CHP1: variants seen among roughly 807,000 people sequenced by gnomAD.
CHP1 encodes calcineurin like EF-hand protein 1, also known as calcineurin B homologous protein 1.
Under a neutral mutation model 27.4 loss-of-function variants are expected in CHP1, and 11 were observed. The observed-to-expected ratio is 0.40, with a 90% confidence interval of 0.25 to 0.67. CHP1 has a LOEUF of 0.67. Ranked by LOEUF, CHP1 falls within the 30% of genes least tolerant of loss-of-function variation. CHP1 has a pLI of 0.38. For missense variants in CHP1, 169 were observed against 251.3 expected, an observed-to-expected ratio of 0.67 and a Z score of 2.22; for synonymous variants, 89 against 87.4, an observed-to-expected ratio of 1.02 and a Z score of -0.10.
Position 41,240,274 on chromosome 15 carries a change from G to A in CHP1, c.68-3393G>A, listed in dbSNP as rs913197857. Among the ~76,000 whole-genome samples, 8 of 152,092 alleles carry A rather than the reference G, an allele frequency of 5.3e-5. No homozygotes were observed. The South Asian group carries it at 1.5e-3, about 28-fold the overall frequency. ...CTCTGGAAGTGCTGGGATTATAGGC[G>A]CCAGCCATCATGCCTGGCTCTCATT... On this transcript the variant is annotated intron_variant, in intron 1 of 6. Coordinates refer to ENST00000334660, the MANE Select transcript of CHP1 (RefSeq NM_007236.5).
intron 4 of CHP1, among the ~76,000 whole-genome samples, chr15:41,264,782 A>T (rs1595479996): frequency 6.6e-6 from 1 of 152,076 alleles, no homozygotes; most frequent in South Asian, 2.1e-4. Context: ...TGGCTGTTGG[A>T]TTAACTTTTA....
chr15:41,263,610 C>T (rs1435419896), intron 4 of CHP1, among the ~76,000 whole-genome samples: 2 of 152,218 alleles, frequency 1.3e-5, no homozygotes, highest in African/African-American at 4.8e-5. Flanking sequence ...CGCAGTGGCT[C>T]ATGCCTGTAA....
At chr15:41,274,982 G>T (rs1434243895) in intron 5 of CHP1, among the ~76,000 whole-genome samples, 5 of 151,718 alleles carry the variant, frequency 3.3e-5, no homozygotes, top group African/African-American at 1.2e-4. Flanking sequence ...GTCGAGACGG[G>T]TTTCACCATG....
chr15:41,237,499 G>C (rs140623460), intron 1 of CHP1, among the ~76,000 whole-genome samples: 44 of 152,200 alleles, frequency 2.9e-4, no homozygotes, highest in African/African-American at 9.4e-4. Flanking sequence ...GATAGATTTT[G>C]TTTGTTTTAT....
intron 1 of CHP1, among the ~76,000 whole-genome samples, chr15:41,236,900 G>C (rs1309257408): frequency 6.6e-6 from 1 of 150,482 alleles, no homozygotes; most frequent in East Asian, 1.9e-4. Flanking sequence ...CTCGATCTCA[G>C]CTCACTGCAA....
rs772769656 is a variant in CHP1 at position 41,256,275 on chromosome 15, G to A, written c.141-635G>A. ...TGATGAATGGTAACTGACAATATTC[G>A]CTTTGGTATAACCTCGCCTAAGTCA... On this transcript the variant is annotated intron_variant, in intron 2 of 6. Coordinates refer to ENST00000334660, the MANE Select transcript of CHP1 (RefSeq NM_007236.5). Among the ~76,000 whole-genome samples the A allele has an allele frequency of 4.6e-5, 7 of 152,124 alleles. No homozygotes were observed. In the South Asian group the frequency reaches 6.2e-4, roughly 13 times the overall value.
intron 2 of CHP1, among the ~76,000 whole-genome samples, chr15:41,254,051 C>G (rs947031364): frequency 1.3e-5 from 2 of 152,042 alleles, no homozygotes; most frequent in Non-Finnish European, 2.9e-5. Flanking sequence ...ACCTTGGCCT[C>G]CAAAAGTGCT....
intron 2 of CHP1, among the ~76,000 whole-genome samples, chr15:41,253,546 C>T (rs572119622): frequency 1.3e-5 from 2 of 151,784 alleles, no homozygotes; most frequent in Non-Finnish European, 2.9e-5. Flanking sequence ...CCTCCACCTC[C>T]CAGGTTCATG....
rs1051359247 is a variant in CHP1, at chr15:41,266,957, G to A, written c.350-3600G>A. Among the ~76,000 whole-genome samples, 10 of 151,946 alleles carry A rather than the reference G, an allele frequency of 6.6e-5. No individual in the cohort carries two copies. The South Asian group carries it at 1.9e-3, about 28-fold the overall frequency. Reference sequence around the variant, plus strand: ...GGAGGTTGCAGTGAGCTGAGATTGCGCCACTGCACTCTAGCTTGGGCGACA... The same window carrying A: ...GGAGGTTGCAGTGAGCTGAGATTGCACCACTGCACTCTAGCTTGGGCGACA... On this transcript the variant is annotated intron_variant, in intron 4 of 6. Coordinates refer to ENST00000334660, the MANE Select transcript of CHP1 (RefSeq NM_007236.5).
chr15:41,264,184 A>G (rs1255734055), intron 4 of CHP1: 1 of 1,286,858 alleles, frequency 7.8e-7, no homozygotes, highest in African/African-American at 1.5e-5. Flanking sequence ...AGAGATATAT[A>G]TAGAGAGAGA....
Position 41,281,015 on chromosome 15 carries a change from T to A in CHP1, c.*1626T>A, listed in dbSNP as rs1271066156. 6.6e-6 allele frequency: 1 copy of A among 151,708 alleles called. No individual in the cohort carries two copies. Among genetic ancestry groups the A allele is most frequent in the Non-Finnish European group, 1.5e-5 (1 of 67,994 alleles). 9.4% of individuals were successfully genotyped at this position (151,708 alleles called of 1,614,324 possible). ...CTGGGATTACAGACGTGTGCCACCA[T>A]ACCTGGGTAATTTTTGCATTTTTAG... On this transcript the variant is annotated 3_prime_UTR_variant, in exon 7 of 7. Coordinates refer to ENST00000334660, the MANE Select transcript of CHP1 (RefSeq NM_007236.5).
At chr15:41,232,852 G>C (rs1039401250) in intron 1 of CHP1, among the ~76,000 whole-genome samples, 1 of 152,118 alleles carries the variant, frequency 6.6e-6, no homozygotes, top group African/African-American at 2.4e-5. Context: ...CTGTTTAAGT[G>C]CTGTTCTCTG....
chr15:41,231,489 G>A (rs1356175117), intron 1 of CHP1, 40 bp downstream of exon 1: 2 of 1,570,684 alleles, frequency 1.3e-6, no homozygotes, highest in Non-Finnish European at 1.7e-6. Context: ...GGCGCCTCAG[G>A]CTGGCCTCAC....
chr15:41,263,866 G>T (rs927501310), intron 4 of CHP1, among the ~76,000 whole-genome samples: 2 of 152,146 alleles, frequency 1.3e-5, no homozygotes, highest in Non-Finnish European at 2.9e-5. Context: ...CAGAAACTCT[G>T]TCTCAACAAA....
intron 5 of CHP1, among the ~76,000 whole-genome samples, chr15:41,277,529 CTT>C (rs1188193166): frequency 6.6e-6 from 1 of 152,156 alleles, no homozygotes; most frequent in Non-Finnish European, 1.5e-5. Context: ...GTGGCTCACA[CTT>C]GTAATCTCAG....
At chr15:41,276,296 A>T (rs532645486) in intron 5 of CHP1, among the ~76,000 whole-genome samples, 1 of 151,766 alleles carries the variant, frequency 6.6e-6, no homozygotes, top group African/African-American at 2.4e-5. Context: ...AAAGGAGTGG[A>T]GGAAAGGAAG....
intron 2 of CHP1, among the ~76,000 whole-genome samples, chr15:41,246,711 C>T (rs1439120675): frequency 4.2e-5 from 6 of 143,122 alleles, no homozygotes; most frequent in Admixed American, 3.7e-4. Context: ...ATGCACCTGC[C>T]TGGCTAACGC....
intron 1 of CHP1, among the ~76,000 whole-genome samples, chr15:41,234,562 A>T (rs2047267648): frequency 6.6e-6 from 1 of 152,212 alleles, no homozygotes; most frequent in African/African-American, 2.4e-5. Flanking sequence ...TAAAAAGATT[A>T]GAATTTCTAC....
chr15:41,242,816 G>A (rs569294618), intron 1 of CHP1, among the ~76,000 whole-genome samples: 4 of 151,366 alleles, frequency 2.6e-5, no homozygotes, highest in Non-Finnish European at 4.4e-5. Flanking sequence ...GGTGGTGGGC[G>A]CCTGTAATCC....
Sources: gnomAD v4.1 joint callset for allele counts (sites outside exome capture counted in the v4.1 genomes callset) on GRCh38, gnomAD v4.1.1 for gene constraint, MANE v1.5 for transcripts, NCBI Gene and HGNC (gene_info 2026-07-23, HGNC 2026-07-21) for gene names.